ZC2HC1B: variants seen among roughly 807,000 people sequenced by gnomAD.
ZC2HC1B encodes the protein zinc finger C2HC domain-containing protein 1B.
ZC2HC1B carries 36 observed loss-of-function variants against 31.0 expected under a neutral mutation model. The observed-to-expected ratio is 1.16, with a 90% CI of 0.89 to 1.54. ZC2HC1B has a LOEUF of 1.54. Ranked by LOEUF, ZC2HC1B falls within the 40% of genes most tolerant of loss-of-function variation. The probability of loss-of-function intolerance (pLI) is 0.00; values close to 1 mark genes in which losing one functional copy is unlikely to be tolerated. For synonymous variants in ZC2HC1B, 73 were observed against 88.0 expected (o/e 0.83, Z 0.95); for missense variants, 260 against 268.6 (o/e 0.97, Z 0.22).
chr6:143,878,331 A>G (rs374313565), intron 1 of ZC2HC1B, among the ~76,000 whole-genome samples: 2 of 150,702 alleles, frequency 1.3e-5, no homozygotes, highest in African/African-American at 4.9e-5. Context: ...TGGCCATGTT[A>G]GCCAGGTGTG....
intron 1 of ZC2HC1B, among the ~76,000 whole-genome samples, chr6:143,877,183 A>G (rs1288597247): frequency 3.0e-5 from 4 of 135,014 alleles, no homozygotes; most frequent in African/African-American, 1.1e-4. Context: ...TCCCATTTCT[A>G]TGCCATTTTA....
chr6:143,932,788 T>C (rs900906298), intron 6 of ZC2HC1B, among the ~76,000 whole-genome samples: 2 of 152,212 alleles, frequency 1.3e-5, no homozygotes, highest in Non-Finnish European at 2.9e-5. Context: ...TTGGATACAC[T>C]ATTTCAGTGG....
At chr6:143,882,418 G>A (rs1313689909) in intron 1 of ZC2HC1B, among the ~76,000 whole-genome samples, 2 of 142,364 alleles carry the variant, frequency 1.4e-5, no homozygotes, top group African/African-American at 2.7e-5. Flanking sequence ...AGGGCAAGAG[G>A]TATTTCTGTG....
At chr6:143,897,584 C>T (rs1325506330) in intron 4 of ZC2HC1B, among the ~76,000 whole-genome samples, 2 of 151,782 alleles carry the variant, frequency 1.3e-5, no homozygotes, top group African/African-American at 2.4e-5. Flanking sequence ...AAGCTGTTTT[C>T]GGTGAACTTT....
At chr6:143,880,960 T>C (rs1777459449) in intron 1 of ZC2HC1B, among the ~76,000 whole-genome samples, 1 of 152,172 alleles carries the variant, frequency 6.6e-6, no homozygotes, top group African/African-American at 2.4e-5. Flanking sequence ...CATTAGTATA[T>C]GGTGTGTTCA....
At chr6:143,904,322 A>G (rs887063917) in intron 6 of ZC2HC1B, among the ~76,000 whole-genome samples, 6 of 152,012 alleles carry the variant, frequency 3.9e-5, no homozygotes, top group East Asian at 3.9e-4. Flanking sequence ...TTTCTTTCCT[A>G]TTCCATGGGT....
At chr6:143,912,754 G>A (rs989362382) in intron 6 of ZC2HC1B, among the ~76,000 whole-genome samples, 7 of 152,200 alleles carry the variant, frequency 4.6e-5, no homozygotes, top group African/African-American at 1.7e-4. Context: ...CAGTCTGGAT[G>A]CTTTTGATAG....
intron 1 of ZC2HC1B, among the ~76,000 whole-genome samples, chr6:143,875,131 T>G (rs1353968553): frequency 6.6e-6 from 1 of 152,210 alleles, no homozygotes; most frequent in Non-Finnish European, 1.5e-5. Flanking sequence ...CCACTGCACC[T>G]GGCCTATTCC....
At position 143,908,604 on chromosome 6, in the gene ZC2HC1B, A is replaced by G. The variant is rs1203498914; in HGVS notation, c.598+5452A>G. On this transcript the variant is annotated intron_variant, in intron 6 of 7. Coordinates refer to ENST00000237275, the MANE Select transcript of ZC2HC1B (RefSeq NM_001013623.3). This position sits in a 1 kb window ranked among gnomAD's most constrained non-coding sequence, Gnocchi z 4.4. ...CCTGTTGTTTGTGTATAGGAATGCT[A>G]GCAATTTTTGCACATTGATTTTGTA... Among the ~76,000 whole-genome samples the G allele has an allele frequency of 6.6e-6, 1 of 152,162 alleles. No homozygotes were observed. The highest frequency in any genetic ancestry group is 1.5e-5 in the Non-Finnish European group (1 of 68,004).
intron 6 of ZC2HC1B, among the ~76,000 whole-genome samples, chr6:143,920,152 C>T (rs901042355): frequency 1.3e-5 from 2 of 151,770 alleles, no homozygotes; most frequent in Non-Finnish European, 2.9e-5. Context: ...AGAGATAATA[C>T]ATATGAGAAT....
intron 6 of ZC2HC1B, among the ~76,000 whole-genome samples, chr6:143,919,217 CTGTGTGTGTGTGTGTGTGTGTGTGTG>C (rs71024878): frequency 1.4e-4 from 17 of 123,598 alleles, no homozygotes; most frequent in Non-Finnish European, 2.9e-4. Flanking sequence ...TTGCTATTCT[CTGTGTGTGTGTGTGTGTGTGTGTGTG>C]TGTGTGTGTG....
intron 6 of ZC2HC1B, among the ~76,000 whole-genome samples, chr6:143,932,975 C>T (rs957256437): frequency 6.6e-5 from 10 of 152,146 alleles, no homozygotes; most frequent in South Asian, 6.2e-4. Flanking sequence ...GAATGTCTGC[C>T]GAGTCCTGTG....
At chr6:143,893,449 T>C (rs531721755) in intron 4 of ZC2HC1B, among the ~76,000 whole-genome samples, 58 of 152,100 alleles carry the variant, frequency 3.8e-4, no homozygotes, top group Non-Finnish European at 6.8e-4. Flanking sequence ...ACTCCTGTAA[T>C]CCCAGCTACT....
intron 6 of ZC2HC1B, among the ~76,000 whole-genome samples, chr6:143,931,182 A>G (rs1384840882): frequency 6.6e-6 from 1 of 152,044 alleles, no homozygotes; most frequent in Admixed American, 6.6e-5. Context: ...CTTTACCTTA[A>G]GTCTATGTGA....
intron 1 of ZC2HC1B, among the ~76,000 whole-genome samples, chr6:143,880,941 G>C (rs1438293644): frequency 6.6e-6 from 1 of 152,078 alleles, no homozygotes; most frequent in Non-Finnish European, 1.5e-5. Context: ...ATCAAAACCA[G>C]GAAACTAACA....
Position 143,868,466 on chromosome 6 carries a change from A to T in ZC2HC1B, c.28+3899A>T, listed in dbSNP as rs1460764145. Among the ~76,000 whole-genome samples, 1 of 150,500 alleles carries T rather than the reference A, an allele frequency of 6.6e-6. No individual in the cohort carries two copies. The highest frequency in any genetic ancestry group is 1.5e-5 in the Non-Finnish European group (1 of 67,462). On this transcript the variant is annotated intron_variant, in intron 1 of 7. Transcript: ENST00000237275. This position sits in a 1 kb window ranked among gnomAD's most constrained non-coding sequence, Gnocchi z 4.2. Reference sequence around the variant, plus strand: ...GGCTAGGCCAGTCTAGTCTTTTCACATTTTTTTTTTCTGCCTGCTTTAGAT... The same window carrying T: ...GGCTAGGCCAGTCTAGTCTTTTCACTTTTTTTTTTTCTGCCTGCTTTAGAT...
chr6:143,937,105 C>T (rs1562351288), intron 6 of ZC2HC1B, among the ~76,000 whole-genome samples: 2 of 152,050 alleles, frequency 1.3e-5, no homozygotes, highest in Non-Finnish European at 2.9e-5. Context: ...AAAACTAAGC[C>T]ATGGTGTGGT....
chr6:143,872,770 C>G lies in ZC2HC1B; in HGVS notation c.28+8203C>G, dbSNP rs1777357377. Among the ~76,000 whole-genome samples the G allele has an allele frequency of 6.6e-6, 1 of 152,148 alleles. No individual in the cohort carries two copies. The highest frequency in any genetic ancestry group is 2.4e-5 in the African/African-American group (1 of 41,408). ...CATCAGATCTCATGAGACTCAATCA[C>G]TATCATAAGAATAGCATGGGAAAGA... On this transcript the variant is annotated intron_variant, in intron 1 of 7. Coordinates refer to ENST00000237275, the MANE Select transcript of ZC2HC1B (RefSeq NM_001013623.3). This position sits in a 1 kb window ranked among gnomAD's most constrained non-coding sequence, Gnocchi z 5.5.
chr6:143,879,791 G>GT (rs11454914), intron 1 of ZC2HC1B, among the ~76,000 whole-genome samples: 47,002 of 92,774 alleles, frequency 0.51, 9,794 homozygotes, highest in African/African-American at 0.65. Context: ...GTTTGTTTTT[G>GT]TTTTTTTTTT....
Sources: allele counts gnomAD v4.1 joint callset (sites outside exome capture counted in the v4.1 genomes callset), GRCh38; gene constraint gnomAD v4.1.1; non-coding constraint Gnocchi (gnomAD v3.1); transcripts MANE v1.5; gene names NCBI Gene and HGNC (gene_info 2026-07-23, HGNC 2026-07-21).